The following POLG variants were observed in gnomAD, a reference collection of about 807,000 sequenced individuals.
The protein encoded by POLG is DNA polymerase gamma, catalytic subunit.
A neutral mutation model predicts 155.4 loss-of-function variants in POLG; 110 were observed. The ratio of observed to expected loss-of-function variants is 0.71; its 90% confidence interval spans 0.61 to 0.83. The LOEUF (loss-of-function observed/expected upper bound fraction) is 0.83. Among genes scored for constraint, POLG ranks in the 40% least tolerant of loss-of-function variants. POLG has a pLI of 0.00. For synonymous variants in POLG, 701 were observed against 631.5 expected, an observed-to-expected ratio of 1.11 and a Z score of -1.65; for missense variants, 1,685 against 1,627.5, an observed-to-expected ratio of 1.04 and a Z score of -0.61.
At chr15:89,319,466 G>A in intron 18 of POLG, 116 bp from the exon 19 acceptor site, 3 of 1,370,722 alleles carry the variant, frequency 2.2e-6, no homozygotes, top group Non-Finnish European at 3.0e-6. Flanking sequence ...CATCATGCCA[G>A]TCCCCTAAAG....
Position 89,319,249 on chromosome 15 carries a change from A to C in POLG, c.3083T>G (p.Val1028Gly). The stretch of plus-strand genomic sequence containing the variant: ...TTACTTCCTTGCAGTTTCTCTCTGG[A>C]CCTTGCGCAGATCCTGCAGGGAAAT... ...GWISLQDLRK[V>G]QRETARKSQW... is the part of the protein sequence containing the mutation. The change falls in exon 19 of 23, where the codon GTC (valine) becomes GGC (glycine). Residue 1028 changes from valine to glycine, a missense_variant. Transcript: ENST00000268124. The C allele has an allele frequency of 6.2e-7, 1 of 1,614,062 alleles. No individual in the cohort carries two copies.
chr15:89,326,308 G>C (rs973403139), intron 9 of POLG, among the ~76,000 whole-genome samples: 1 of 152,198 alleles, frequency 6.6e-6, no homozygotes, highest in African/African-American at 2.4e-5. Flanking sequence ...GCTGGTCTAC[G>C]TGCCTGGCTC....
intron 21 of POLG, 67 bp downstream of exon 21, chr15:89,318,474 A>G: frequency 7.4e-7 from 1 of 1,346,830 alleles, no homozygotes; most frequent in Non-Finnish European, 1.1e-6. Context: ...GTCTGGCCCA[A>G]GGAACGCTCA....
At position 89,321,246 on chromosome 15, in the gene POLG, G is replaced by C; in HGVS notation, c.2613C>G (p.Gly871=). Residue 871 remains glycine (G), a synonymous_variant, in exon 17 of 23, where the codon GGC becomes GGG. Transcript: ENST00000268124. ...TASNARPDRV[G]SELKAMVQAP... ...CCTGCACCATGGCTTTCAACTCACTGCCTACTCGGTCAGGCTGTGGGAAGA... is the reference window on the plus strand; with the variant it reads ...CCTGCACCATGGCTTTCAACTCACTCCCTACTCGGTCAGGCTGTGGGAAGA... 6.2e-7 allele frequency: 1 copy of C among 1,614,148 alleles called. No individual in the cohort carries two copies. Among genetic ancestry groups the C allele is most frequent in the Non-Finnish European group, 8.5e-7 (1 of 1,179,994 alleles).
At chr15:89,333,048 A>C in intron 2 of POLG, 48 bp downstream of exon 2, 1 of 1,499,628 alleles carries the variant, frequency 6.7e-7, no homozygotes. Flanking sequence ...CAAACTATTA[A>C]GCTGGGCCCC....
chr15:89,325,168 G>A lies in POLG; in HGVS notation c.1949+282C>T, dbSNP rs1175458685. On this transcript the variant is annotated intron_variant, in intron 10 of 22. Coordinates refer to ENST00000268124, the MANE Select transcript of POLG (RefSeq NM_002693.3). ...AGAGTGAGTGAGTGAGTGAGTGAGT[G>A]AGAGAGTGAGAGAGTGAGTGAGTGA... Among the ~76,000 whole-genome samples, 2 of 84,874 alleles carry A rather than the reference G, an allele frequency of 2.4e-5. 1 individual carries two copies. Among genetic ancestry groups the A allele is most frequent in the African/African-American group, 1.1e-4 (2 of 18,598 alleles). The allele number at this position is 84,874 out of a possible 152,430, so 55.7% of individuals were successfully genotyped here.
Position 89,333,263 on chromosome 15 carries a change from CG to C in POLG, c.491del (p.Pro164ArgfsTer102). The C allele has an allele frequency of 1.3e-6, 2 of 1,564,954 alleles. No individual in the cohort carries two copies. Among genetic ancestry groups the C allele is most frequent in the East Asian group, 2.4e-5 (1 of 42,300 alleles). On this transcript the variant is annotated frameshift_variant, in exon 2 of 23. Transcript: ENST00000268124. LOFTEE classifies it high-confidence loss of function. The part of the protein sequence containing the change: ...ANLLLQAQLP[P>X]KPPAWAWAEG... ...CCGCCCAGGCCCAAGCCGGGGGCTTCGGGGGCAGCTGGGCCTGCAACAGCAA... is the reference window on the plus strand; with the variant it reads ...CCGCCCAGGCCCAAGCCGGGGGCTTCGGGGCAGCTGGGCCTGCAACAGCAA...
rs2055633365 is a variant in POLG, at chr15:89,333,799, T to C, written c.-45A>G. On this transcript the variant is annotated 5_prime_UTR_variant, in exon 2 of 23. Transcript: ENST00000268124. Reference sequence around the variant, plus strand: ...ACGCTGGGAGTCAGAACACCTGGCTTTGGGCTCCAGCTTGGCTTCTTTTAC... The same window carrying C: ...ACGCTGGGAGTCAGAACACCTGGCTCTGGGCTCCAGCTTGGCTTCTTTTAC... 5.9e-6 allele frequency: 9 copies of C among 1,533,922 alleles called. No homozygotes were observed. Among genetic ancestry groups the C allele is most frequent in the Non-Finnish European group, 7.9e-6 (9 of 1,145,612 alleles).
intron 18 of POLG, among the ~76,000 whole-genome samples, chr15:89,320,032 C>T (rs1056240295): frequency 6.6e-6 from 1 of 152,242 alleles, no homozygotes; most frequent in African/African-American, 2.4e-5. Flanking sequence ...ACGCTGCTCA[C>T]GGTATGAGCC....
intron 21 of POLG, among the ~76,000 whole-genome samples, chr15:89,318,279 A>G (rs927853890): frequency 6.6e-6 from 1 of 152,248 alleles, no homozygotes; most frequent in Non-Finnish European, 1.5e-5. Flanking sequence ...CTTCGGAACA[A>G]TTCCCCTAAC....
intron 2 of POLG, 41 bp from the exon 3 acceptor site, chr15:89,330,317 T>C (rs1261153039): frequency 6.7e-7 from 1 of 1,495,678 alleles, no homozygotes. Flanking sequence ...CATGGAGACA[T>C]TAAACTTCCA....
At chr15:89,320,736 T>A in intron 18 of POLG, 30 bp downstream of exon 18, 1 of 1,610,820 alleles carries the variant, frequency 6.2e-7, no homozygotes, top group Non-Finnish European at 8.5e-7. Context: ...GGGTCCTGGG[T>A]GTTAAAGTGG....
Position 89,330,063 on chromosome 15 carries a change from T to A in POLG, c.855+18A>T. The A allele has an allele frequency of 6.2e-7, 1 of 1,608,706 alleles. No individual in the cohort carries two copies. Among genetic ancestry groups the A allele is most frequent in the East Asian group, 2.2e-5 (1 of 44,860 alleles). ...CCCATCCCATGCCAGAACCTGCAGTTGGCCCCAGGAACCTTACCTGGATCA... is the reference window on the plus strand; with the variant it reads ...CCCATCCCATGCCAGAACCTGCAGTAGGCCCCAGGAACCTTACCTGGATCA... On this transcript the variant is annotated intron_variant, in intron 3 of 22. Coordinates refer to ENST00000268124, the MANE Select transcript of POLG (RefSeq NM_002693.3).
Position 89,333,596 on chromosome 15 carries a change from T to TGCTGTTGC in POLG, c.158_159insGCAACAGC (p.Pro56HisfsTer213). 6.3e-7 allele frequency: 1 copy of TGCTGTTGC among 1,598,022 alleles called. No homozygotes were observed. The highest frequency in any genetic ancestry group is 1.1e-5 in the South Asian group (1 of 90,086). ...GCACTTGCGGCTGCTGAGGCTGCTG[T>TGCTGTTGC]TGCTGCTGCTGCTGCTGCTGCTGCT... On this transcript the variant is annotated frameshift_variant, in exon 2 of 23. Transcript: ENST00000268124. LOFTEE classifies it high-confidence loss of function.
At chr15:89,330,641 C>T (rs1039237804) in intron 2 of POLG, among the ~76,000 whole-genome samples, 2 of 151,788 alleles carry the variant, frequency 1.3e-5, no homozygotes, top group African/African-American at 2.4e-5. Flanking sequence ...CAACCCCTCA[C>T]GTCTACAGGC....
At chr15:89,320,654 CT>C in intron 18 of POLG, 111 bp downstream of exon 18, 1 of 1,208,506 alleles carries the variant, frequency 8.3e-7, no homozygotes, top group Non-Finnish European at 1.2e-6. Flanking sequence ...AGGAGAGGGG[CT>C]AGGTGAGAGT....
intron 9 of POLG, among the ~76,000 whole-genome samples, chr15:89,326,295 C>CT (rs1264311535): frequency 1.3e-5 from 2 of 152,240 alleles, no homozygotes; most frequent in Non-Finnish European, 2.9e-5. Flanking sequence ...ACTAGCTGCA[C>CT]TGGCTGGTCT....
At chr15:89,328,404 G>A in intron 6 of POLG, 52 bp downstream of exon 6, 3 of 1,431,574 alleles carry the variant, frequency 2.1e-6, no homozygotes, top group Admixed American at 3.5e-5. Context: ...AGTGGGCCCG[G>A]GTACCAGGAA....
chr15:89,325,057 A>AGAGTGAGT lies in POLG; in HGVS notation c.1949+385_1949+392dup, dbSNP rs1173555720. Among the ~76,000 whole-genome samples the AGAGTGAGT allele has an allele frequency of 2.2e-4, 19 of 87,690 alleles. 1 individual carries two copies. The highest frequency in any genetic ancestry group is 1.0e-3 in the Admixed American group (10 of 9,738). The allele number at this position is 87,690 out of a possible 152,430, so 57.5% of individuals were successfully genotyped here. A position where few individuals can be genotyped will look rare whatever the true frequency, so the allele number is the denominator to read the frequency against. On this transcript the variant is annotated intron_variant, in intron 10 of 22. Transcript: ENST00000268124. ...CCCAGAGAGTGAGTGAGTGAGTGAG[A>AGAGTGAGT]GAGTGAGTGAGTGAGTGAGTGAGTG... is the stretch of plus-strand genomic sequence containing the variant.
Sources: gnomAD v4.1 joint callset for allele counts (sites outside exome capture counted in the v4.1 genomes callset) on GRCh38, gnomAD v4.1.1 for gene constraint, MANE v1.5 for transcripts, NCBI Gene and HGNC (gene_info 2026-07-23, HGNC 2026-07-21) for gene names.